Variants in MLXIP observed in about 807,000 individuals in gnomAD.
MLXIP encodes MLX interacting protein, also known as MLX-interacting protein.
A neutral mutation model predicts 87.2 loss-of-function variants in MLXIP; 30 were observed. The ratio of observed to expected loss-of-function variants is 0.34; its 90% CI spans 0.26 to 0.47. The LOEUF (loss-of-function observed/expected upper bound fraction) is 0.47, where lower values mean the gene tolerates loss of function less well. MLXIP is among the 20% of genes least tolerant of loss of function. MLXIP has a pLI of 1.00. For missense variants in MLXIP, 1,002 were observed against 1,240.1 expected (o/e 0.81, Z 2.88); for synonymous variants, 530 against 514.0 (o/e 1.03, Z -0.42).
chr12:122,092,933 G>GTGGGGT (rs1952268939), intron 1 of MLXIP, among the ~76,000 whole-genome samples: 3 of 52,408 alleles, frequency 5.7e-5, no homozygotes, highest in Admixed American at 4.0e-4. Context: ...TGTGGGGTGT[G>GTGGGGT]GTGTGTGTGG....
chr12:122,095,023 GT>G, intron 1 of MLXIP, among the ~76,000 whole-genome samples: 1 of 139,830 alleles, frequency 7.2e-6, no homozygotes, highest in East Asian at 2.2e-4. Flanking sequence ...GTGTTGGTGT[GT>G]TGTGTGTGTG....
chr12:122,095,972 C>T (rs892453333), intron 1 of MLXIP, among the ~76,000 whole-genome samples: 33 of 152,232 alleles, frequency 2.2e-4, no homozygotes, highest in African/African-American at 6.5e-4. Flanking sequence ...TCAAGTGATT[C>T]TTCTCCCTCA....
intron 1 of MLXIP, among the ~76,000 whole-genome samples, chr12:122,094,446 TG>T (rs1384064302): frequency 7.0e-6 from 1 of 142,464 alleles, no homozygotes; most frequent in South Asian, 2.3e-4. Context: ...ATGCGGTGTC[TG>T]GTGTGGTATT....
At chr12:122,132,533 GC>G in intron 8 of MLXIP, 150 bp downstream of exon 8, 1 of 633,692 alleles carries the variant, frequency 1.6e-6, no homozygotes, top group South Asian at 1.9e-5. Flanking sequence ...ATGTGCAGAG[GC>G]ACGATTCCAT....
In MLXIP at chr12:122,078,939, A is replaced by C; in HGVS notation, c.86A>C (p.Asp29Ala). 2 of 1,120,006 alleles carry C rather than the reference A, an allele frequency of 1.8e-6. No homozygotes were observed. The highest frequency in any genetic ancestry group is 2.2e-6 in the Non-Finnish European group (2 of 911,016). The allele number at this position is 1,120,006 out of a possible 1,614,324, so 69.4% of individuals were successfully genotyped here. A position where few individuals can be genotyped will look rare whatever the true frequency, so the allele number is the denominator to read the frequency against. Residue 29 changes from aspartate (D) to alanine (A), a missense_variant, in exon 1 of 17, where the codon GAC becomes GCC. Physicochemically the swap from Asp to Ala is moderately radical, Grantham distance 126 (BLOSUM62 -2). This residue lies in a region of MLXIP where 129 missense variants were observed against 104.2 expected (regional missense o/e 1.24). Transcript: ENST00000319080. ...QVLLKPQVSE[D>A]DDDSDTDEPS... ...CTGCTCAAGCCCCAGGTGTCCGAGG[A>C]CGACGACGACTCGGACACGGATGAG...
chr12:122,083,580 A>G (rs142827533), intron 1 of MLXIP, among the ~76,000 whole-genome samples: 5,851 of 151,984 alleles, frequency 0.038, 202 homozygotes, highest in Non-Finnish European at 0.049. Context: ...ATGCCCGACT[A>G]ATTTTGTATT....
intron 1 of MLXIP, among the ~76,000 whole-genome samples, chr12:122,083,379 T>C (rs925261615): frequency 6.6e-6 from 1 of 152,084 alleles, no homozygotes; most frequent in African/African-American, 2.4e-5. Context: ...TTCTAAAAAG[T>C]GGCCCCCTCC....
intron 1 of MLXIP, among the ~76,000 whole-genome samples, chr12:122,093,605 TTGTG>T (rs1334912062): frequency 2.5e-5 from 3 of 119,032 alleles, no homozygotes; most frequent in Non-Finnish European, 5.1e-5. Flanking sequence ...TGGTGTGTGT[TTGTG>T]GTGTGTGTGT....
At chr12:122,139,905 C>T (rs1428979202) in intron 15 of MLXIP, among the ~76,000 whole-genome samples, 1 of 152,222 alleles carries the variant, frequency 6.6e-6, no homozygotes, top group Admixed American at 6.5e-5. Flanking sequence ...AACTCCTGAC[C>T]TCAGGTGATC....
chr12:122,088,233 G>C (rs1418900557), intron 1 of MLXIP, among the ~76,000 whole-genome samples: 1 of 152,144 alleles, frequency 6.6e-6, no homozygotes, highest in Admixed American at 6.5e-5. Context: ...TGGAGCTTGC[G>C]TTCTGAGTGG....
intron 1 of MLXIP, among the ~76,000 whole-genome samples, chr12:122,106,020 C>T (rs1308930116): frequency 2.0e-5 from 3 of 152,184 alleles, no homozygotes; most frequent in Non-Finnish European, 2.9e-5. Flanking sequence ...CAAGGATTTG[C>T]CTGTTGCCCA....
intron 1 of MLXIP, among the ~76,000 whole-genome samples, chr12:122,124,038 G>A (rs547978984): frequency 4.6e-5 from 7 of 152,176 alleles, no homozygotes; most frequent in Non-Finnish European, 1.0e-4. Flanking sequence ...CTCTGGTCAG[G>A]TTGGCTATCC....
chr12:122,081,105 C>A (rs916335772), intron 1 of MLXIP, among the ~76,000 whole-genome samples: 6 of 151,838 alleles, frequency 4.0e-5, no homozygotes, highest in Admixed American at 3.9e-4. Flanking sequence ...TCATTTCTCT[C>A]AAAAATATTT....
intron 1 of MLXIP, among the ~76,000 whole-genome samples, chr12:122,085,132 G>A (rs572943922): frequency 6.6e-6 from 1 of 151,926 alleles, no homozygotes; most frequent in South Asian, 2.1e-4. Context: ...TGGATGCCTC[G>A]GTCCACTCCA....
At chr12:122,119,830 C>T (rs1952751829) in intron 1 of MLXIP, among the ~76,000 whole-genome samples, 1 of 152,124 alleles carries the variant, frequency 6.6e-6, no homozygotes, top group Non-Finnish European at 1.5e-5. Flanking sequence ...GAATCACTTC[C>T]TAGGAGTGGG....
At chr12:122,140,165 C>A (rs760200585) in intron 15 of MLXIP, among the ~76,000 whole-genome samples, 2 of 152,182 alleles carry the variant, frequency 1.3e-5, no homozygotes, top group Non-Finnish European at 2.9e-5. Flanking sequence ...CTGTGAGTGC[C>A]GTCCTGATCA....
intron 15 of MLXIP, 76 bp from the exon 16 acceptor site, chr12:122,140,878 G>A (rs1281900071): frequency 6.8e-6 from 11 of 1,609,930 alleles, no homozygotes; most frequent in East Asian, 2.2e-5. Context: ...AAAGGAGTAC[G>A]CCAGTCCAAC....
At position 122,132,407 on chromosome 12, in the gene MLXIP, G is replaced by C. The variant is rs748718333; in HGVS notation, c.1092+24G>C. ...AGGTAGAGGAAGCTGGGGGATGGGT[G>C]GGGGAAGGGGCTGGCAGGCACAGGG... On this transcript the variant is annotated intron_variant, in intron 8 of 16. Coordinates refer to ENST00000319080, the MANE Select transcript of MLXIP (RefSeq NM_014938.6). 4.4e-6 allele frequency: 7 copies of C among 1,574,876 alleles called. No individual in the cohort carries two copies. The East Asian group carries it at 1.6e-4, about 36-fold the overall frequency.
At chr12:122,123,848 T>A (rs954154383) in intron 1 of MLXIP, among the ~76,000 whole-genome samples, 5 of 152,152 alleles carry the variant, frequency 3.3e-5, no homozygotes, top group African/African-American at 1.2e-4. Context: ...TACAGACGCA[T>A]GCCACCATGC....
Sources: gnomAD v4.1 joint callset for allele counts (sites outside exome capture counted in the v4.1 genomes callset) on GRCh38, gnomAD v4.1.1 for gene constraint, gnomAD v4.1.1 regional missense constraint, MANE v1.5 for transcripts, NCBI Gene and HGNC (gene_info 2026-07-23, HGNC 2026-07-21) for gene names.